ZDHHC21: variants seen among roughly 807,000 people sequenced by gnomAD.
The protein encoded by ZDHHC21 is palmitoyltransferase ZDHHC21.
A neutral mutation model predicts 34.6 loss-of-function variants in ZDHHC21; 15 were observed. That is an observed-to-expected ratio of 0.43 (90% confidence interval 0.29 to 0.67). The LOEUF (loss-of-function observed/expected upper bound fraction) is 0.67, where lower values mean the gene tolerates loss of function less well. Among genes scored for constraint, ZDHHC21 ranks in the 30% least tolerant of loss-of-function variants. ZDHHC21 has a pLI of 0.14. For missense variants in ZDHHC21, 344 were observed against 327.7 expected, an observed-to-expected ratio of 1.05 and a Z score of -0.38; for synonymous variants, 142 against 101.8, an observed-to-expected ratio of 1.40 and a Z score of -2.38.
At chr9:14,636,041 GGAGT>G (rs1439339263) in intron 8 of ZDHHC21, among the ~76,000 whole-genome samples, 1 of 152,078 alleles carries the variant, frequency 6.6e-6, no homozygotes, top group African/African-American at 2.4e-5. Context: ...TAAAATGACA[GGAGT>G]AAGCCTCACA....
chr9:14,670,747 C>T (rs1420831771), intron 5 of ZDHHC21, among the ~76,000 whole-genome samples: 2 of 151,986 alleles, frequency 1.3e-5, no homozygotes, highest in Non-Finnish European at 2.9e-5. Context: ...TCTATATGAA[C>T]ACATACATAT....
intron 7 of ZDHHC21, among the ~76,000 whole-genome samples, chr9:14,641,655 T>C (rs1829402349): frequency 1.3e-5 from 2 of 152,092 alleles, no homozygotes; most frequent in Non-Finnish European, 1.5e-5. Flanking sequence ...CCACAACTAG[T>C]ATTACAACTT....
chr9:14,625,173 C>T (rs555948435), intron 8 of ZDHHC21, among the ~76,000 whole-genome samples: 47 of 152,130 alleles, frequency 3.1e-4, no homozygotes, highest in Middle Eastern at 3.4e-3. Flanking sequence ...CAGCACTAAA[C>T]TAATTGGACA....
downstream of ZDHHC21, among the ~76,000 whole-genome samples, chr9:14,607,167 G>A (rs1408080853): frequency 6.6e-6 from 1 of 151,228 alleles, no homozygotes; most frequent in Admixed American, 6.6e-5. Context: ...GTACAGAAGA[G>A]GGTGGGCATG....
intron 9 of ZDHHC21, 116 bp downstream of exon 9, chr9:14,619,523 A>G: frequency 1.1e-6 from 1 of 876,326 alleles, no homozygotes; most frequent in Non-Finnish European, 1.7e-6. Flanking sequence ...GCCTCAGACA[A>G]TGCACCAAGA....
intron 5 of ZDHHC21, among the ~76,000 whole-genome samples, chr9:14,670,642 T>A (rs1835277175): frequency 1.3e-5 from 2 of 152,128 alleles, no homozygotes; most frequent in African/African-American, 4.8e-5. Context: ...TAAATTGATT[T>A]AAAGAAAGAA....
chr9:14,687,869 A>G (rs7865184), intron 2 of ZDHHC21, among the ~76,000 whole-genome samples: 64,368 of 150,452 alleles, frequency 0.43, 14,887 homozygotes, highest in African/African-American at 0.49. Context: ...CACAGTGCCA[A>G]GAGAAAATGC....
rs545242908 is a variant in ZDHHC21, at chr9:14,633,082, T to C, written c.621+6814A>G. 3.3e-5 allele frequency among the ~76,000 whole-genome samples: 5 copies of C among 152,304 alleles called. No homozygotes were observed. In the East Asian group the frequency reaches 9.6e-4, roughly 29 times the overall value. ...TATATACCCCAAAGAAATGAAAATGTACGTCCACACAAAAACGTGTAGGTG... is the reference window on the plus strand; with the variant it reads ...TATATACCCCAAAGAAATGAAAATGCACGTCCACACAAAAACGTGTAGGTG... On this transcript the variant is annotated intron_variant, in intron 8 of 9. Coordinates refer to ENST00000380916, the MANE Select transcript of ZDHHC21 (RefSeq NM_178566.6).
In ZDHHC21 at chr9:14,619,661, T is replaced by C. The variant is rs759015936; in HGVS notation, c.643A>G (p.Met215Val). 1 of 1,407,040 alleles carries C rather than the reference T, an allele frequency of 7.1e-7. No homozygotes were observed. Among genetic ancestry groups the C allele is most frequent in the Non-Finnish European group, 9.8e-7 (1 of 1,023,086 alleles). The allele number at this position is 1,407,040 out of a possible 1,614,324, so 87.2% of individuals were successfully genotyped here. Reference sequence around the variant, plus strand: ...TACATATCTTCACAACAGTTTGACATCTTTTCAATAGATGTTGTATCCTAT... The same window carrying C: ...TACATATCTTCACAACAGTTTGACACCTTTTCAATAGATGTTGTATCCTAT... Reference protein sequence around the residue: ...IITDTTSIEKMSNCCEDISRP... With the variant: ...IITDTTSIEKVSNCCEDISRP... The change falls in exon 9 of 10, where the codon ATG (methionine) becomes GTG (valine). Residue 215 changes from methionine to valine, a missense_variant. By Grantham distance (21) the Met-to-Val change is conservative. Transcript: ENST00000380916.
chr9:14,674,045 A>G (rs1835916218), intron 4 of ZDHHC21, 142 bp downstream of exon 4: 1 of 468,798 alleles, frequency 2.1e-6, no homozygotes, highest in Non-Finnish European at 3.6e-6. Context: ...TAAGTTCATA[A>G]ATTAGTAAAT....
intron 8 of ZDHHC21, 38 bp downstream of exon 8, chr9:14,639,858 T>C (rs1288672333): frequency 2.5e-6 from 3 of 1,205,374 alleles, no homozygotes; most frequent in Admixed American, 2.2e-5. Flanking sequence ...TTAGGTAATA[T>C]ATTCATAAAT....
At chr9:14,629,630 T>C (rs1255229280) in intron 8 of ZDHHC21, among the ~76,000 whole-genome samples, 1 of 152,142 alleles carries the variant, frequency 6.6e-6, no homozygotes, top group Non-Finnish European at 1.5e-5. Context: ...TATTTATTGA[T>C]AAAAAATGCT....
Position 14,618,941 on chromosome 9 carries a change from C to G in ZDHHC21, c.*25G>C, listed in dbSNP as rs745896833. 2.6e-6 allele frequency: 4 copies of G among 1,561,002 alleles called. No individual in the cohort carries two copies. The East Asian group carries it at 9.3e-5, about 36-fold the overall frequency. Reference sequence around the variant, plus strand: ...GTAACGCATTGCCAGCATGGAGGACCCATCTGTGCCCACCATCCATCTGTT... The same window carrying G: ...GTAACGCATTGCCAGCATGGAGGACGCATCTGTGCCCACCATCCATCTGTT... On this transcript the variant is annotated 3_prime_UTR_variant, in exon 10 of 10. Transcript: ENST00000380916.
intron 7 of ZDHHC21, among the ~76,000 whole-genome samples, chr9:14,657,496 G>A (rs958307050): frequency 1.2e-5 from 1 of 86,860 alleles, no homozygotes; most frequent in Non-Finnish European, 2.3e-5. Flanking sequence ...TCCACTACCA[G>A]AGGCTGGCAA....
chr9:14,645,601 G>A (rs562450236), intron 7 of ZDHHC21, among the ~76,000 whole-genome samples: 1 of 152,066 alleles, frequency 6.6e-6, no homozygotes, highest in African/African-American at 2.4e-5. Flanking sequence ...ATAAGGTGGA[G>A]TACATTAAAA....
chr9:14,661,220 A>C (rs4397504), intron 6 of ZDHHC21, among the ~76,000 whole-genome samples: 25,764 of 152,180 alleles, frequency 0.17, 2,367 homozygotes, highest in South Asian at 0.35. Flanking sequence ...CTTCTTTTTA[A>C]ACAGTCTATG....
At chr9:14,658,276 G>A (rs1386234525) in intron 7 of ZDHHC21, among the ~76,000 whole-genome samples, 1 of 151,870 alleles carries the variant, frequency 6.6e-6, no homozygotes, top group East Asian at 1.9e-4. Context: ...TTCATTAAAA[G>A]GAAATGTCAG....
At chr9:14,656,223 G>C (rs1832179042) in intron 7 of ZDHHC21, among the ~76,000 whole-genome samples, 1 of 151,820 alleles carries the variant, frequency 6.6e-6, no homozygotes, top group South Asian at 2.1e-4. Flanking sequence ...GGAATATTTA[G>C]AGCTACATAG....
the ZDHHC21 span, among the ~76,000 whole-genome samples, chr9:14,605,055 CTGAA>C: frequency 6.6e-6 from 1 of 152,150 alleles, no homozygotes; most frequent in African/African-American, 2.4e-5. Flanking sequence ...TTTTCTATGG[CTGAA>C]TAACATTCCA....
Sources: gnomAD v4.1 joint callset for allele counts (sites outside exome capture counted in the v4.1 genomes callset) on GRCh38, gnomAD v4.1.1 for gene constraint, MANE v1.5 for transcripts, NCBI Gene and HGNC (gene_info 2026-07-23, HGNC 2026-07-21) for gene names.